The following PIK3C2A variants were observed in gnomAD, a reference collection of about 807,000 sequenced individuals.
The protein encoded by PIK3C2A is phosphatidylinositol-4-phosphate 3-kinase catalytic subunit type 2 alpha, also known as phosphatidylinositol 4-phosphate 3-kinase C2 domain-containing subunit alpha.
In PIK3C2A, 97 loss-of-function variants were observed where a neutral mutation model predicts 204.5. The ratio of observed to expected loss-of-function variants is 0.47; its 90% confidence interval spans 0.40 to 0.56. The LOEUF is 0.56. Ranked by LOEUF, PIK3C2A falls within the 20% of genes least tolerant of loss-of-function variation. PIK3C2A has a pLI of 0.00. For missense variants in PIK3C2A, 1,735 were observed against 1,969.2 expected (o/e 0.88, Z 2.25); for synonymous variants, 653 against 664.4 (o/e 0.98, Z 0.26).
intron 12 of PIK3C2A, among the ~76,000 whole-genome samples, chr11:17,131,227 T>A (rs1194500530): frequency 2.0e-5 from 3 of 152,048 alleles, no homozygotes; most frequent in Non-Finnish European, 4.4e-5. Flanking sequence ...TAAGTGTTGA[T>A]TAATCTAAGA....
intron 18 of PIK3C2A, 121 bp from the exon 19 acceptor site, chr11:17,117,792 C>A (rs1849252712): frequency 1.8e-6 from 1 of 553,306 alleles, no homozygotes; most frequent in Non-Finnish European, 3.1e-6. Context: ...CGGCTCACTG[C>A]AAGCTCTGCC....
chr11:17,091,954 C>T lies in PIK3C2A; in HGVS notation c.4642+42G>A, dbSNP rs755331353. Reference sequence around the variant, plus strand: ...CATTCATCGAGAAGTTACAGACTTGCAGATCATGAGTTACCAATAAAGAGA... The same window carrying T: ...CATTCATCGAGAAGTTACAGACTTGTAGATCATGAGTTACCAATAAAGAGA... On this transcript the variant is annotated intron_variant, in intron 30 of 32. Coordinates refer to ENST00000691414, the MANE Select transcript of PIK3C2A (RefSeq NM_002645.4). 3.2e-5 allele frequency: 39 copies of T among 1,202,094 alleles called. No homozygotes were observed. The Middle Eastern group carries it at 1.5e-3, about 45-fold the overall frequency. The allele number at this position is 1,202,094 out of a possible 1,614,324, so 74.5% of individuals were successfully genotyped here.
chr11:17,168,319 C>T (rs902694635), intron 2 of PIK3C2A, among the ~76,000 whole-genome samples: 1 of 152,148 alleles, frequency 6.6e-6, no homozygotes, highest in African/African-American at 2.4e-5. Context: ...CAGTGGCTCA[C>T]GCCTGTAATC....
intron 2 of PIK3C2A, among the ~76,000 whole-genome samples, chr11:17,161,682 GAAGT>G: frequency 6.6e-6 from 1 of 152,142 alleles, no homozygotes; most frequent in East Asian, 1.9e-4. Context: ...ATGGAAACAG[GAAGT>G]AAGCTTGCTG....
chr11:17,091,238 C>CA, intron 32 of PIK3C2A, 96 bp downstream of exon 32: 1 of 1,106,092 alleles, frequency 9.0e-7, no homozygotes, highest in Non-Finnish European at 1.3e-6. Context: ...AGCTATGTAA[C>CA]AAACTTGCAC....
intron 11 of PIK3C2A, among the ~76,000 whole-genome samples, 188 bp downstream of exon 11, chr11:17,134,631 G>C (rs192229454): frequency 6.6e-6 from 1 of 152,294 alleles, no homozygotes; most frequent in East Asian, 1.9e-4. Context: ...AAAGTGCTGG[G>C]ATTACAGGCA....
At chr11:17,138,320 G>A in intron 8 of PIK3C2A, 1 of 450,500 alleles carries the variant, frequency 2.2e-6, no homozygotes, top group Admixed American at 3.5e-5. Context: ...AAAACAGCCA[G>A]CTTCCTTTTT....
intron 21 of PIK3C2A, 97 bp from the exon 22 acceptor site, chr11:17,110,658 A>C: frequency 9.3e-7 from 1 of 1,069,816 alleles, no homozygotes; most frequent in Non-Finnish European, 1.3e-6. Context: ...TTGGGAGGCC[A>C]AAGTGGGCAG....
At position 17,105,173 on chromosome 11, in the gene PIK3C2A, T is replaced by C; in HGVS notation, c.3677A>G (p.Glu1226Gly). 1.9e-6 allele frequency: 3 copies of C among 1,610,860 alleles called. No individual in the cohort carries two copies. The highest frequency in any genetic ancestry group is 2.5e-6 in the Non-Finnish European group (3 of 1,177,220). Residue 1226 changes from glutamate to glycine, a missense_variant, in exon 23 of 33, where the codon GAA becomes GGA. By Grantham distance (98) the Glu-to-Gly change is moderately conservative (BLOSUM62 -2). Transcript: ENST00000691414. ...ATGAGGAGACATGCTAATTACCTTT[T>C]CATATTCTTCTTCAGAGGGATTGTA... ...RKYNPSEEEYEKASENFIYSC... is the reference protein window; with the variant it reads ...RKYNPSEEEYGKASENFIYSC...
chr11:17,150,685 T>G, intron 3 of PIK3C2A, 30 bp from the exon 4 acceptor site: 1 of 1,537,420 alleles, frequency 6.5e-7, no homozygotes, highest in South Asian at 1.2e-5. Flanking sequence ...AATTAAATTC[T>G]TTTTTAAAAA....
rs1428571653 is a variant in PIK3C2A at position 17,145,892 on chromosome 11, T to C, written c.1611A>G (p.Ile537Met). Residue 537 changes from isoleucine (I) to methionine (M), a missense_variant, in exon 7 of 33, where the codon ATA becomes ATG. Transcript: ENST00000691414. ...TCATGGCTTCTTTGCAAGGTTTTTCTATTTGATACAGGTGTTTGTTTAAAT... is the reference window on the plus strand; with the variant it reads ...TCATGGCTTCTTTGCAAGGTTTTTCCATTTGATACAGGTGTTTGTTTAAAT... ...PVDLNKHLYQ[I>M]EKPCKEAMTR... 2.5e-6 allele frequency: 4 copies of C among 1,613,548 alleles called. No homozygotes were observed. Among genetic ancestry groups the C allele is most frequent in the Non-Finnish European group, 2.5e-6 (3 of 1,179,862 alleles).
rs768562791 is a variant in PIK3C2A at position 17,105,178 on chromosome 11, T to C, written c.3672A>G (p.Glu1224=). ...GAGACATGCTAATTACCTTTTCATA[T>C]TCTTCTTCAGAGGGATTGTATTTCC... ...WLRKYNPSEE[E]YEKASENFIY... Residue 1224 remains glutamate, a synonymous_variant, in exon 23 of 33, where the codon GAA becomes GAG. Coordinates refer to ENST00000691414, the MANE Select transcript of PIK3C2A (RefSeq NM_002645.4). 6.2e-7 allele frequency: 1 copy of C among 1,611,054 alleles called. No individual in the cohort carries two copies. Among genetic ancestry groups the C allele is most frequent in the Non-Finnish European group, 8.5e-7 (1 of 1,177,352 alleles).
In PIK3C2A at chr11:17,132,371, G is replaced by A. The variant is rs61762014; in HGVS notation, c.2109-333C>T. On this transcript the variant is annotated intron_variant, in intron 11 of 32. Coordinates refer to ENST00000691414, the MANE Select transcript of PIK3C2A (RefSeq NM_002645.4). The stretch of plus-strand genomic sequence containing the variant: ...GGAGTCTCGCTCTGTCGCCCAGGAC[G>A]GACTGCGGACTGCAGTGGCGCAATC... 4.5e-3 allele frequency among the ~76,000 whole-genome samples: 649 copies of A among 145,398 alleles called. 11 individuals carry two copies. The highest frequency in any genetic ancestry group is 0.015 in the African/African-American group (613 of 39,666).
chr11:17,094,575 T>G (rs1414295498), intron 27 of PIK3C2A, among the ~76,000 whole-genome samples, 190 bp from the exon 28 acceptor site: 2 of 151,948 alleles, frequency 1.3e-5, no homozygotes, highest in Non-Finnish European at 2.9e-5. Context: ...CAAACAAAAA[T>G]TAGCTGGGCA....
At position 17,102,823 on chromosome 11, in the gene PIK3C2A, C is replaced by A; in HGVS notation, c.3690G>T (p.Glu1230Asp). The change falls in exon 24 of 33, where the codon GAG becomes GAT. Residue 1230 changes from glutamate (E) to aspartate (D), a missense_variant. This residue lies in a region of PIK3C2A where 503 missense variants were observed against 669.0 expected (regional missense o/e 0.75). Transcript: ENST00000691414. ...PSEEEYEKAS[E>D]NFIYSCAGCC... ...ATCCAGCACAGGAATAGATAAAGTT[C>A]TCTGAAGCCTATAAAAAACATACAC... is the stretch of plus-strand genomic sequence containing the variant. 5 of 1,581,606 alleles carry A rather than the reference C, an allele frequency of 3.2e-6. No homozygotes were observed. The South Asian group carries it at 4.6e-5, about 15-fold the overall frequency.
At chr11:17,122,439 A>C in intron 14 of PIK3C2A, 106 bp from the exon 15 acceptor site, 1 of 711,678 alleles carries the variant, frequency 1.4e-6, no homozygotes, top group Non-Finnish European at 2.4e-6. Flanking sequence ...GGGCATATTT[A>C]CATTGAATAT....
chr11:17,101,257 G>T, intron 25 of PIK3C2A, 21 bp downstream of exon 25: 1 of 1,356,484 alleles, frequency 7.4e-7, no homozygotes. Flanking sequence ...AACTAATTAA[G>T]TGCTTATAAA....
chr11:17,174,516 C>A (rs1851277598), intron 1 of PIK3C2A, among the ~76,000 whole-genome samples: 1 of 59,076 alleles, frequency 1.7e-5, no homozygotes, highest in Non-Finnish European at 3.3e-5. Context: ...ATGGCGTGAA[C>A]CCGGGAGGCG....
At position 17,086,908 on chromosome 11, in the gene PIK3C2A, G is replaced by C. The variant is rs1246083459; in HGVS notation, c.*2830C>G. On this transcript the variant is annotated 3_prime_UTR_variant, in exon 33 of 33. Transcript: ENST00000691414. ...AGAATAGGCAACTAATTTAAGGCAA[G>C]ATATTGAAACTTTTATACAACTTTA... 1.3e-5 allele frequency: 2 copies of C among 152,064 alleles called. No individual in the cohort carries two copies. The highest frequency in any genetic ancestry group is 4.8e-5 in the African/African-American group (2 of 41,422). The allele number at this position is 152,064 out of a possible 1,614,324, so 9.4% of individuals were successfully genotyped here. A position where few individuals can be genotyped will look rare whatever the true frequency, so the allele number is the denominator to read the frequency against.
Sources: allele counts gnomAD v4.1 joint callset (sites outside exome capture counted in the v4.1 genomes callset), GRCh38; gene constraint gnomAD v4.1.1; regional missense constraint gnomAD v4.1.1; transcripts MANE v1.5; gene names NCBI Gene and HGNC (gene_info 2026-07-23, HGNC 2026-07-21).